The following EEIG2 variants were observed in gnomAD, a reference collection of about 807,000 sequenced individuals.
EEIG2 encodes the protein family with sequence similarity 102 member B.
the EEIG2 span, among the ~76,000 whole-genome samples, chr1:108,561,016 G>A: frequency 1.3e-5 from 2 of 152,198 alleles, no homozygotes; most frequent in African/African-American, 4.8e-5. Flanking sequence ...TCTGAGGCTG[G>A]GGTAGGCCTG....
the EEIG2 span, among the ~76,000 whole-genome samples, chr1:108,560,967 C>T: frequency 3.3e-3 from 502 of 152,348 alleles, 3 homozygotes; most frequent in African/African-American, 0.011. Flanking sequence ...AGCACAATTC[C>T]TTCTCCCTTG....
At chr1:108,586,314 GGTGT>G in the EEIG2 span, among the ~76,000 whole-genome samples, 6,795 of 148,000 alleles carry the variant, frequency 0.046, 489 homozygotes, top group African/African-American at 0.16. Flanking sequence ...TACGCAGAGG[GGTGT>G]GTGTGTGTGT....
chr1:108,612,767 G>A, the EEIG2 span, among the ~76,000 whole-genome samples: 1 of 152,188 alleles, frequency 6.6e-6, no homozygotes, highest in African/African-American at 2.4e-5. Flanking sequence ...AGTAATGAGT[G>A]CGAATGTATA....
the EEIG2 span, chr1:108,628,193 C>G: frequency 1.9e-6 from 3 of 1,614,100 alleles, no homozygotes; most frequent in Non-Finnish European, 2.5e-6. Flanking sequence ...TGCCTCTGTT[C>G]CAGACGAACT....
chr1:108,605,309 A>G, the EEIG2 span, among the ~76,000 whole-genome samples: 2 of 152,180 alleles, frequency 1.3e-5, no homozygotes, highest in African/African-American at 4.8e-5. Context: ...ATAATGGGGT[A>G]GATGTAGTGG....
the EEIG2 span, chr1:108,624,727 A>G: frequency 6.2e-7 from 1 of 1,614,076 alleles, no homozygotes; most frequent in African/African-American, 1.3e-5. Context: ...AGAGACTCTC[A>G]AAGTGCATCT....
At chr1:108,612,089 C>G in the EEIG2 span, 1 of 843,942 alleles carries the variant, frequency 1.2e-6, no homozygotes, top group Non-Finnish European at 1.8e-6. Flanking sequence ...GAAAACCTGT[C>G]TAGGGTATGG....
At chr1:108,572,486 G>A in the EEIG2 span, among the ~76,000 whole-genome samples, 12 of 151,586 alleles carry the variant, frequency 7.9e-5, no homozygotes, top group Non-Finnish European at 1.5e-4. Context: ...CTAGGGGGTC[G>A]GCAAGTATCT....
At chr1:108,624,972 A>G in the EEIG2 span, 2 of 470,018 alleles carry the variant, frequency 4.3e-6, no homozygotes, top group Non-Finnish European at 7.7e-6. Flanking sequence ...CACTGTATGC[A>G]TCTACTCCCC....
At chr1:108,600,805 C>T in the EEIG2 span, 6 of 963,374 alleles carry the variant, frequency 6.2e-6, no homozygotes, top group Non-Finnish European at 8.9e-6. Flanking sequence ...TGCAGTTTCA[C>T]TTCATGCTCG....
At chr1:108,626,514 C>G in the EEIG2 span, 1 of 152,326 alleles carries the variant, frequency 6.6e-6, no homozygotes, top group Non-Finnish European at 1.5e-5. Context: ...CAAACTTCTC[C>G]TTTCTTATTG....
chr1:108,627,946 A>G, the EEIG2 span: 2 of 518,076 alleles, frequency 3.9e-6, no homozygotes, highest in Admixed American at 3.3e-5. Context: ...TTTTAATGTT[A>G]TGAAAAATAT....
At chr1:108,629,945 C>T in the EEIG2 span, 2 of 363,870 alleles carry the variant, frequency 5.5e-6, no homozygotes, top group Non-Finnish European at 5.1e-6. Flanking sequence ...TATAAAAGGA[C>T]ACTTAGAAAA....
the EEIG2 span, among the ~76,000 whole-genome samples, chr1:108,586,852 CT>C: frequency 1.3e-5 from 2 of 152,094 alleles, no homozygotes; most frequent in African/African-American, 4.8e-5. Context: ...TTTCCCACAC[CT>C]TTTTAGAATA....
the EEIG2 span, among the ~76,000 whole-genome samples, chr1:108,580,875 T>A: frequency 6.6e-6 from 1 of 152,156 alleles, no homozygotes; most frequent in Admixed American, 6.6e-5. Flanking sequence ...ATCCAGAAGA[T>A]CTAGCTAAGA....
At chr1:108,630,662 C>A in the EEIG2 span, among the ~76,000 whole-genome samples, 1 of 152,210 alleles carries the variant, frequency 6.6e-6, no homozygotes, top group African/African-American at 2.4e-5. Context: ...GCCAAACTTA[C>A]ATTGATTATC....
the EEIG2 span, among the ~76,000 whole-genome samples, chr1:108,623,547 G>A: frequency 5.3e-5 from 8 of 152,062 alleles, no homozygotes; most frequent in Non-Finnish European, 8.8e-5. Flanking sequence ...TTGTAAGAAA[G>A]GATAAATGCT....
the EEIG2 span, among the ~76,000 whole-genome samples, chr1:108,605,828 G>T: frequency 6.6e-6 from 1 of 152,034 alleles, no homozygotes; most frequent in African/African-American, 2.4e-5. Context: ...ATAAAAACTG[G>T]TTGTCCCTGG....
the EEIG2 span, chr1:108,629,918 C>A: frequency 2.4e-6 from 1 of 424,804 alleles, no homozygotes. Context: ...ACCAGTAGAC[C>A]ATTGGGAAAG....
Sources: allele counts gnomAD v4.1 joint callset (sites outside exome capture counted in the v4.1 genomes callset), GRCh38; gene constraint gnomAD v4.1.1; transcripts MANE v1.5; gene names NCBI Gene and HGNC (gene_info 2026-07-23, HGNC 2026-07-21).